The following DERA variants were observed in gnomAD, a reference collection of about 807,000 sequenced individuals.
DERA encodes the protein 2-deoxy-D-ribose 5-phosphate aldolase.
A neutral mutation model predicts 41.1 loss-of-function variants in DERA; 15 were observed. The ratio of observed to expected loss-of-function variants is 0.37; its 90% CI spans 0.24 to 0.56. The LOEUF is 0.56. Ranked by LOEUF, DERA falls within the 20% of genes least tolerant of loss-of-function variation. The pLI is 0.81. For missense variants in DERA, 396 were observed against 403.4 expected (o/e 0.98, Z 0.16); for synonymous variants, 139 against 137.4 (o/e 1.01, Z -0.08).
Position 16,014,337 on chromosome 12 carries a change from G to C in DERA, c.638-18205G>C, listed in dbSNP as rs1411891456. Among the ~76,000 whole-genome samples, 1 of 152,184 alleles carries C rather than the reference G, an allele frequency of 6.6e-6. No individual in the cohort carries two copies. The highest frequency in any genetic ancestry group is 1.5e-5 in the Non-Finnish European group (1 of 68,032). ...AGGTCTAGAAGGAAAACATGGTTTTGTGGGCCAGGCCTAGGGCCTTGCTAC... is the reference window on the plus strand; with the variant it reads ...AGGTCTAGAAGGAAAACATGGTTTTCTGGGCCAGGCCTAGGGCCTTGCTAC... On this transcript the variant is annotated intron_variant, in intron 6 of 8. Transcript: ENST00000428559. This position sits in a 1 kb window ranked among gnomAD's most constrained non-coding sequence, Gnocchi z 5.4.
In DERA at chr12:15,990,940, T is replaced by C. The variant is rs554979096; in HGVS notation, c.637+8504T>C. On this transcript the variant is annotated intron_variant, in intron 6 of 8. Transcript: ENST00000428559. This position sits in a 1 kb window ranked among gnomAD's most constrained non-coding sequence, Gnocchi z 4.3. ...CATATGCATACATGTGTCTTTACAA[T>C]AGAATGATTTATATCCCTTTGGGTG... 2.0e-5 allele frequency among the ~76,000 whole-genome samples: 3 copies of C among 152,252 alleles called. No individual in the cohort carries two copies. Among genetic ancestry groups the C allele is most frequent in the South Asian group, 4.1e-4 (2 of 4,824 alleles).
chr12:16,021,394 C>T lies in DERA; in HGVS notation c.638-11148C>T, dbSNP rs1417037593. Among the ~76,000 whole-genome samples, 1 of 152,186 alleles carries T rather than the reference C, an allele frequency of 6.6e-6. No homozygotes were observed. On this transcript the variant is annotated intron_variant, in intron 6 of 8. Transcript: ENST00000428559. The surrounding 1 kb of genome is among the most constrained non-coding windows in gnomAD (Gnocchi z 5.3). ...GTTAAGCCTTGAGGTTCATGGAATG[C>T]AAGAGTGAAGGGGGTCTGGCAGCTT... is the stretch of plus-strand genomic sequence containing the variant.
intron 6 of DERA, among the ~76,000 whole-genome samples, chr12:16,029,675 C>T (rs1018805922): frequency 1.8e-4 from 27 of 151,960 alleles, no homozygotes; most frequent in East Asian, 1.9e-4. Flanking sequence ...AGATGCAGCA[C>T]CTGCCCCTAA....
chr12:15,972,710 C>A lies in DERA; in HGVS notation c.509-9598C>A. On this transcript the variant is annotated intron_variant, in intron 5 of 8. Transcript: ENST00000428559. This position sits in a 1 kb window ranked among gnomAD's most constrained non-coding sequence, Gnocchi z 4.4. ...GGTGTGGGGAGTGTGGCCATGGTCC[C>A]GAGCCACCGCAGTCAGTACTGGGGA... 2 of 154,826 alleles carry A rather than the reference C, an allele frequency of 1.3e-5. No homozygotes were observed. Among genetic ancestry groups the A allele is most frequent in the Non-Finnish European group, 2.9e-5 (2 of 69,674 alleles). 9.6% of individuals were successfully genotyped at this position (154,826 alleles called of 1,614,324 possible). A position where few individuals can be genotyped will look rare whatever the true frequency, so the allele number is the denominator to read the frequency against.
chr12:16,002,238 A>C (rs1486087256), intron 6 of DERA, among the ~76,000 whole-genome samples: 1 of 151,342 alleles, frequency 6.6e-6, no homozygotes, highest in East Asian at 2.0e-4. Context: ...GTGAACAGCA[A>C]GGTTATTCTT....
intron 1 of DERA, among the ~76,000 whole-genome samples, chr12:15,925,037 T>C (rs1374724518): frequency 1.3e-5 from 2 of 152,180 alleles, no homozygotes; most frequent in Non-Finnish European, 2.9e-5. Context: ...GTCTGGGAAG[T>C]TAGAATGGCC....
rs1023637422 is a variant in DERA at position 16,035,413 on chromosome 12, T to C, written c.751-819T>C. Among the ~76,000 whole-genome samples, 1 of 152,166 alleles carries C rather than the reference T, an allele frequency of 6.6e-6. No homozygotes were observed. Among genetic ancestry groups the C allele is most frequent in the African/African-American group, 2.4e-5 (1 of 41,424 alleles). On this transcript the variant is annotated intron_variant, in intron 7 of 8. Transcript: ENST00000428559. The surrounding 1 kb of genome is among the most constrained non-coding windows in gnomAD (Gnocchi z 4.1). ...TGTTTTGACCACTACCATCTACAGATTCCCAACTCTACTGGATAGTCAGGT... is the reference window on the plus strand; with the variant it reads ...TGTTTTGACCACTACCATCTACAGACTCCCAACTCTACTGGATAGTCAGGT...
At chr12:15,963,480 C>T (rs890963951) in intron 5 of DERA, among the ~76,000 whole-genome samples, 4 of 152,168 alleles carry the variant, frequency 2.6e-5, no homozygotes, top group African/African-American at 7.2e-5. Context: ...GATTCACTAT[C>T]ACGTCAGCAT....
rs1445482210 is a variant in DERA at position 16,031,611 on chromosome 12, CG to C, written c.638-930del. On this transcript the variant is annotated intron_variant, in intron 6 of 8. Transcript: ENST00000428559. ...CTGACTATTTCAGGGCCTTGTAACA[CG>C]TGAAAGAGGTATTCTTTGTTTGGGT... is the stretch of plus-strand genomic sequence containing the variant. 1.6e-4 allele frequency among the ~76,000 whole-genome samples: 24 copies of C among 152,150 alleles called. 1 individual carries two copies. The highest frequency in any genetic ancestry group is 1.4e-3 in the Admixed American group (21 of 15,276).
At chr12:15,952,137 G>T (rs1948502757) in intron 1 of DERA, among the ~76,000 whole-genome samples, 1 of 152,174 alleles carries the variant, frequency 6.6e-6, no homozygotes, top group African/African-American at 2.4e-5. Context: ...CTGACCTCGT[G>T]ATCCGCCTGC....
At chr12:15,944,728 G>A (rs1320876885) in intron 1 of DERA, among the ~76,000 whole-genome samples, 2 of 152,180 alleles carry the variant, frequency 1.3e-5, no homozygotes, top group Non-Finnish European at 2.9e-5. Flanking sequence ...AAGCTCTTTA[G>A]TTTAATTAGA....
chr12:15,975,280 A>C (rs1446028337), intron 5 of DERA, among the ~76,000 whole-genome samples: 3 of 90,732 alleles, frequency 3.3e-5, no homozygotes, highest in Non-Finnish European at 7.1e-5. Flanking sequence ...TAGGAGATGG[A>C]ATCCTAGGGA....
rs369885387 is a variant in DERA at position 15,943,705 on chromosome 12, TTTTATTTA to T, written c.32-13203_32-13196del. 9.6e-4 allele frequency among the ~76,000 whole-genome samples: 139 copies of T among 144,186 alleles called. No individual in the cohort carries two copies. Among genetic ancestry groups the T allele is most frequent in the South Asian group, 1.5e-3 (7 of 4,572 alleles). The allele number at this position is 144,186 out of a possible 152,430, so 94.6% of individuals were successfully genotyped here. A position where few individuals can be genotyped will look rare whatever the true frequency, so the allele number is the denominator to read the frequency against. On this transcript the variant is annotated intron_variant, in intron 1 of 8. Coordinates refer to ENST00000428559, the MANE Select transcript of DERA (RefSeq NM_015954.4). This position sits in a 1 kb window ranked among gnomAD's most constrained non-coding sequence, Gnocchi z 4.5. ...TGTTTCTTCTTTTTTATTTTTTAAT[TTTTATTTA>T]TTTATTTATTTATTTATTTATTTAT...
At chr12:15,974,238 A>T (rs2136157130) in intron 5 of DERA, among the ~76,000 whole-genome samples, 1 of 152,292 alleles carries the variant, frequency 6.6e-6, no homozygotes, top group African/African-American at 2.4e-5. Context: ...TCAGGAAATT[A>T]ACATTGATGA....
In DERA at chr12:15,935,609, G is replaced by A. The variant is rs549673853; in HGVS notation, c.32-21327G>A. Among the ~76,000 whole-genome samples, 84 of 151,774 alleles carry A rather than the reference G, an allele frequency of 5.5e-4. No individual in the cohort carries two copies. Among genetic ancestry groups the A allele is most frequent in the South Asian group, 8.3e-4 (4 of 4,798 alleles). On this transcript the variant is annotated intron_variant, in intron 1 of 8. Transcript: ENST00000428559. The surrounding 1 kb of genome is among the most constrained non-coding windows in gnomAD (Gnocchi z 4.8). ...TTTGATTTATTTATTTTTATTAGTG[G>A]GATTTTAAATATTTACATTTTAAAG...
chr12:15,977,098 G>A (rs1291198038), intron 5 of DERA, among the ~76,000 whole-genome samples: 1 of 152,004 alleles, frequency 6.6e-6, no homozygotes, highest in African/African-American at 2.4e-5. Context: ...CATTACCTTG[G>A]AACTTTTCAT....
intron 1 of DERA, among the ~76,000 whole-genome samples, chr12:15,948,402 C>T (rs1252273083): frequency 6.6e-6 from 1 of 152,152 alleles, no homozygotes; most frequent in African/African-American, 2.4e-5. Flanking sequence ...TTGTTTGTTT[C>T]TTTTTACTCT....
chr12:15,956,589 G>A (rs1948540912), intron 1 of DERA: 2 of 373,194 alleles, frequency 5.4e-6, no homozygotes, highest in East Asian at 7.1e-5. Flanking sequence ...TTTGCTCTCA[G>A]AGGTGAGGTA....
At chr12:15,986,763 A>T (rs1238724731) in intron 6 of DERA, among the ~76,000 whole-genome samples, 1 of 152,216 alleles carries the variant, frequency 6.6e-6, no homozygotes, top group Admixed American at 6.5e-5. Context: ...GTTTTCCCTA[A>T]ATGTATCACT....
Sources: gnomAD v4.1 joint callset for allele counts (sites outside exome capture counted in the v4.1 genomes callset) on GRCh38, gnomAD v4.1.1 for gene constraint, Gnocchi (gnomAD v3.1) non-coding constraint, MANE v1.5 for transcripts, NCBI Gene and HGNC (gene_info 2026-07-23, HGNC 2026-07-21) for gene names.